Variants in LRCH2 observed in about 807,000 individuals in gnomAD.
LRCH2 encodes leucine rich repeats and calponin homology domain containing 2.
A neutral mutation model predicts 68.9 loss-of-function variants in LRCH2; 38 were observed. The ratio of observed to expected loss-of-function variants is 0.55; its 90% CI spans 0.43 to 0.72. LRCH2 has a LOEUF of 0.72. Among genes scored for constraint, LRCH2 ranks in the 30% least tolerant of loss-of-function variants. LRCH2 has a pLI of 0.00. For missense variants in LRCH2, 528 were observed against 572.9 expected, an observed-to-expected ratio of 0.92 and a Z score of 0.80; for synonymous variants, 191 against 208.1, an observed-to-expected ratio of 0.92 and a Z score of 0.71.
intron 14 of LRCH2, among the ~76,000 whole-genome samples, chrX:115,148,318 A>C (rs2072404393): frequency 9.0e-6 from 1 of 111,697 alleles, no homozygotes; most frequent in Non-Finnish European, 1.9e-5. Flanking sequence ...TGAGGATTAA[A>C]TGAGTTGATC....
intron 15 of LRCH2, among the ~76,000 whole-genome samples, chrX:115,127,113 CCTAA>C (rs2072206745): frequency 9.0e-6 from 1 of 111,066 alleles, no homozygotes; most frequent in South Asian, 3.8e-4. Flanking sequence ...TCACCCGAGA[CCTAA>C]CTAATCAGAA....
intron 6 of LRCH2, 138 bp downstream of exon 6, chrX:115,170,161 T>C (rs1387921897): frequency 4.0e-6 from 2 of 504,932 alleles, no homozygotes; most frequent in African/African-American, 4.9e-5. Flanking sequence ...GATGGTGATA[T>C]GTAGCTTCAG....
chrX:115,114,981 C>A, intron 20 of LRCH2, among the ~76,000 whole-genome samples: 1 of 110,645 alleles, frequency 9.0e-6, no homozygotes, highest in Non-Finnish European at 1.9e-5. Flanking sequence ...GAATAAAATA[C>A]TAAGCATTTA....
intron 1 of LRCH2, chrX:115,192,229 C>G: frequency 8.6e-7 from 1 of 1,162,588 alleles, no homozygotes. Context: ...GGGCCGCGGC[C>G]TCAACAGTTC....
rs1299094689 is a variant in LRCH2, at chrX:115,234,094, T to G, written c.-53A>C. Reference sequence around the variant, plus strand: ...CAATACTGTCAGCCTGTGCCGCGAGTGTAAGGGGTTCTTAGGACGCATGCG... The same window carrying G: ...CAATACTGTCAGCCTGTGCCGCGAGGGTAAGGGGTTCTTAGGACGCATGCG... On this transcript the variant is annotated 5_prime_UTR_variant, in exon 1 of 21. Transcript: ENST00000317135. 1 of 1,135,117 alleles carries G rather than the reference T, an allele frequency of 8.8e-7. No homozygotes were observed. The highest frequency in any genetic ancestry group is 1.9e-5 in the African/African-American group (1 of 53,994). The allele number at this position is 1,135,117 out of a possible 1,213,427, so 93.5% of individuals were successfully genotyped here. A position where few individuals can be genotyped will look rare whatever the true frequency, so the allele number is the denominator to read the frequency against.
intron 20 of LRCH2, 111 bp from the exon 21 acceptor site, chrX:115,113,446 T>A (rs2072058053): frequency 3.5e-6 from 2 of 575,033 alleles, no homozygotes; most frequent in Admixed American, 9.0e-5. Flanking sequence ...GAAAACTACA[T>A]AATTCTAAGT....
intron 14 of LRCH2, among the ~76,000 whole-genome samples, chrX:115,136,801 T>G (rs1556532170): frequency 8.9e-6 from 1 of 112,336 alleles, no homozygotes. Context: ...TTTATCTTAT[T>G]GGTAATGGGA....
Position 115,189,395 on chromosome X carries a change from G to A in LRCH2, c.350-1025C>T, listed in dbSNP as rs782396039. On this transcript the variant is annotated intron_variant, in intron 1 of 20. Coordinates refer to ENST00000317135, the MANE Select transcript of LRCH2 (RefSeq NM_020871.4). ...GCTCGAAGGCCGCGACTGAACTGCC[G>A]CGTCATCACTTCCCACTTCCTCTGA... The A allele has an allele frequency of 7.1e-6, 8 of 1,130,931 alleles. No individual in the cohort carries two copies. In the East Asian group the frequency reaches 1.3e-4, roughly 19 times the overall value. The allele number at this position is 1,130,931 out of a possible 1,213,427, so 93.2% of individuals were successfully genotyped here. A position where few individuals can be genotyped will look rare whatever the true frequency, so the allele number is the denominator to read the frequency against.
rs782565311 is a variant in LRCH2 at position 115,168,878 on chromosome X, T to C, written c.998+1421A>G. ...ACTTCCCACTGTACTTTAAGTAAAA[T>C]TCAAACTTCTTACCACATCCTACAA... On this transcript the variant is annotated intron_variant, in intron 6 of 20. Coordinates refer to ENST00000317135, the MANE Select transcript of LRCH2 (RefSeq NM_020871.4). 3.6e-5 allele frequency among the ~76,000 whole-genome samples: 4 copies of C among 111,613 alleles called. No individual in the cohort carries two copies. In the South Asian group the frequency reaches 1.5e-3, roughly 42 times the overall value.
chrX:115,140,076 C>T (rs1442845549), intron 14 of LRCH2, among the ~76,000 whole-genome samples: 3 of 110,937 alleles, frequency 2.7e-5, no homozygotes, highest in South Asian at 3.9e-4. Context: ...CAGTGCAGCT[C>T]GCAGCAATGA....
chrX:115,170,205 C>T, intron 6 of LRCH2, 94 bp downstream of exon 6: 2 of 892,144 alleles, frequency 2.2e-6, no homozygotes, highest in Non-Finnish European at 2.9e-6. Flanking sequence ...ACCAATCAGC[C>T]TAAATATATT....
At position 115,233,706 on chromosome X, in the gene LRCH2, G is replaced by A. The variant is rs782636532; in HGVS notation, c.336C>T (p.Asp112=). The A allele has an allele frequency of 8.6e-7, 1 of 1,159,436 alleles. No homozygotes were observed. Among genetic ancestry groups the A allele is most frequent in the Non-Finnish European group, 1.2e-6 (1 of 866,941 alleles). ...CCGTCCTGTCACCTGCTTGGGTGGT[G>A]TCCGTCAGGTCGTAGCCGCTGCCCG... The part of the protein sequence containing the change: ...DFPGSGYDLT[D]TTQADLSRNR... The change falls in exon 1 of 21, where the codon GAC becomes GAT. Residue 112 remains aspartate, a synonymous_variant. Transcript: ENST00000317135.
chrX:115,169,229 C>A lies in LRCH2; in HGVS notation c.998+1070G>T, dbSNP rs190237517. On this transcript the variant is annotated intron_variant, in intron 6 of 20. Transcript: ENST00000317135. ...GACTCCTGCTCCACTACATTGTGAGCACCAAGAGGCCAAGACCAACATATA... is the reference window on the plus strand; with the variant it reads ...GACTCCTGCTCCACTACATTGTGAGAACCAAGAGGCCAAGACCAACATATA... Among the ~76,000 whole-genome samples the A allele has an allele frequency of 6.8e-3, 765 of 111,860 alleles. 4 individuals are homozygous for A. Among genetic ancestry groups the A allele is most frequent in the Non-Finnish European group, 0.011 (595 of 53,102 alleles).
intron 1 of LRCH2, among the ~76,000 whole-genome samples, chrX:115,227,759 T>G (rs782330864): frequency 9.2e-6 from 1 of 108,467 alleles, no homozygotes; most frequent in Admixed American, 1.0e-4. Context: ...ACAAATGTTC[T>G]AGAATCAGTT....
At chrX:115,222,237 A>G (rs1379120009) in intron 1 of LRCH2, among the ~76,000 whole-genome samples, 1 of 112,304 alleles carries the variant, frequency 8.9e-6, no homozygotes, top group Non-Finnish European at 1.9e-5. Flanking sequence ...AAAGCCAGGT[A>G]TAGAAGGGAA....
At chrX:115,143,887 C>T (rs1470818500) in intron 14 of LRCH2, among the ~76,000 whole-genome samples, 8 of 111,807 alleles carry the variant, frequency 7.2e-5, no homozygotes, top group Non-Finnish European at 1.1e-4. Context: ...AATCATATGA[C>T]CATTCCAATT....
In LRCH2 at chrX:115,122,993, C is replaced by G. The variant is rs181213158; in HGVS notation, c.1962+87G>C. 3.7e-6 allele frequency: 4 copies of G among 1,083,869 alleles called. No individual in the cohort carries two copies. The East Asian group carries it at 9.5e-5, about 26-fold the overall frequency. The allele number at this position is 1,083,869 out of a possible 1,213,427, so 89.3% of individuals were successfully genotyped here. A position where few individuals can be genotyped will look rare whatever the true frequency, so the allele number is the denominator to read the frequency against. ...TTGTATATCCAAACATTTTAAGGAG[C>G]ATTGAAAATGAAATCTGTACGCCTT... On this transcript the variant is annotated intron_variant, in intron 18 of 20. Coordinates refer to ENST00000317135, the MANE Select transcript of LRCH2 (RefSeq NM_020871.4).
intron 12 of LRCH2, among the ~76,000 whole-genome samples, chrX:115,153,451 T>C (rs868919702): frequency 9.9e-5 from 11 of 111,040 alleles, no homozygotes; most frequent in South Asian, 3.8e-4. Context: ...CACATGTAAA[T>C]ATGAATCTAC....
chrX:115,133,070 A>G (rs1338203984), intron 14 of LRCH2, among the ~76,000 whole-genome samples: 3 of 111,799 alleles, frequency 2.7e-5, no homozygotes, highest in African/African-American at 9.8e-5. Context: ...CAAAGAAATG[A>G]CCAAACAGGA....
Sources: gnomAD v4.1 joint callset for allele counts (sites outside exome capture counted in the v4.1 genomes callset) on GRCh38, gnomAD v4.1.1 for gene constraint, MANE v1.5 for transcripts, NCBI Gene and HGNC (gene_info 2026-07-23, HGNC 2026-07-21) for gene names.